PALS1: variants seen among roughly 807,000 people sequenced by gnomAD.
The protein encoded by PALS1 is protein PALS1.
Under a neutral mutation model 78.9 loss-of-function variants are expected in PALS1, and 31 were observed. The ratio of observed to expected loss-of-function variants is 0.39; its 90% CI spans 0.30 to 0.53. The LOEUF (loss-of-function observed/expected upper bound fraction) is 0.53. Among genes scored for constraint, PALS1 ranks in the 20% least tolerant of loss-of-function variants. The pLI is 0.67. For synonymous variants in PALS1, 276 were observed against 270.9 expected (o/e 1.02, Z -0.18); for missense variants, 704 against 826.5 (o/e 0.85, Z 1.82).
At position 67,312,702 on chromosome 14, in the gene PALS1, T is replaced by C. The variant is rs1185713601; in HGVS notation, c.1217T>C (p.Leu406Pro). 2 of 1,605,826 alleles carry C rather than the reference T, an allele frequency of 1.2e-6. No individual in the cohort carries two copies. Among genetic ancestry groups the C allele is most frequent in the East Asian group, 2.2e-5 (1 of 44,702 alleles). The part of the protein sequence containing the change: ...GDEDNQPLAG[L>P]VPGKSFQQQR... ...GAAGATAATCAACCTCTAGCCGGGC[T>C]TGTTCCAGGTAAGACACAATATGGT... The change falls in exon 9 of 15, where the codon CTT becomes CCT. Residue 406 changes from leucine (L) to proline (P), a missense_variant. By Grantham distance (98) the Leu-to-Pro change is moderately conservative. Coordinates refer to ENST00000261681, the MANE Select transcript of PALS1 (RefSeq NM_022474.4).
intron 3 of PALS1, among the ~76,000 whole-genome samples, chr14:67,288,767 T>C (rs556671113): frequency 6.6e-6 from 1 of 152,288 alleles, no homozygotes; most frequent in Non-Finnish European, 1.5e-5. Context: ...CTATTCTTAA[T>C]ATTAGCTTAT....
intron 5 of PALS1, among the ~76,000 whole-genome samples, 197 bp from the exon 6 acceptor site, chr14:67,301,775 T>C (rs2084935343): frequency 6.6e-6 from 1 of 152,214 alleles, no homozygotes; most frequent in African/African-American, 2.4e-5. Context: ...TTCCGAAGTT[T>C]AGTAAGCATT....
At chr14:67,264,267 T>C (rs1355371652) in intron 1 of PALS1, among the ~76,000 whole-genome samples, 1 of 152,228 alleles carries the variant, frequency 6.6e-6, no homozygotes. Flanking sequence ...TAGAATTGTT[T>C]AAAGATTAAG....
chr14:67,298,963 A>C (rs944319333), intron 4 of PALS1, among the ~76,000 whole-genome samples: 28 of 152,208 alleles, frequency 1.8e-4, no homozygotes, highest in Admixed American at 1.8e-3. Context: ...TTTGCTTAGT[A>C]TAATGTTTTT....
intron 1 of PALS1, among the ~76,000 whole-genome samples, chr14:67,258,427 T>C (rs1261596860): frequency 1.3e-5 from 2 of 152,160 alleles, no homozygotes; most frequent in East Asian, 3.9e-4. Flanking sequence ...TCCCAGCTAC[T>C]TGGGGGATTG....
intron 1 of PALS1, among the ~76,000 whole-genome samples, chr14:67,268,387 G>A (rs2140559469): frequency 6.6e-6 from 1 of 152,330 alleles, no homozygotes; most frequent in East Asian, 1.9e-4. Flanking sequence ...GATCTTGCAT[G>A]AGAAAGAATT....
chr14:67,292,146 A>G (rs141188659), intron 3 of PALS1, among the ~76,000 whole-genome samples: 1,840 of 152,314 alleles, frequency 0.012, 19 homozygotes, highest in Non-Finnish European at 0.018. Flanking sequence ...ATGGGAAAAC[A>G]TTTACAATGT....
chr14:67,282,586 G>A (rs552056569), intron 3 of PALS1, among the ~76,000 whole-genome samples: 1 of 152,206 alleles, frequency 6.6e-6, no homozygotes, highest in African/African-American at 2.4e-5. Context: ...ACTCAGAAAG[G>A]ATGAACTGAA....
Position 67,332,789 on chromosome 14 carries a change from T to C in PALS1, c.1861T>C (p.Leu621=). ...TATCTTCTGTTTGCAGCCTGAAGAG[T>C]TGAGAGAAATCATTGAGAAGACAAG... ...KEGKNPKPEE[L]REIIEKTREM... is the part of the protein sequence containing the mutation. Residue 621 remains leucine, a synonymous_variant, in exon 15 of 15, where the codon TTG becomes CTG. Transcript: ENST00000261681. The C allele has an allele frequency of 2.5e-6, 4 of 1,609,514 alleles. No individual in the cohort carries two copies. The highest frequency in any genetic ancestry group is 2.5e-6 in the Non-Finnish European group (3 of 1,176,778).
intron 11 of PALS1, among the ~76,000 whole-genome samples, chr14:67,319,203 G>GTA (rs2085226177): frequency 6.6e-6 from 1 of 152,170 alleles, no homozygotes; most frequent in Non-Finnish European, 1.5e-5. Context: ...ACAAGCCTAA[G>GTA]ATGGTCCCCT....
chr14:67,286,560 A>G (rs187940065), intron 3 of PALS1, among the ~76,000 whole-genome samples: 12 of 152,240 alleles, frequency 7.9e-5, no homozygotes, highest in African/African-American at 2.9e-4. Context: ...GTGTGTGGAA[A>G]ATTAACTGTT....
At chr14:67,297,908 C>G (rs1341134300) in intron 4 of PALS1, among the ~76,000 whole-genome samples, 1 of 152,106 alleles carries the variant, frequency 6.6e-6, no homozygotes, top group Non-Finnish European at 1.5e-5. Flanking sequence ...AATTTTAGAT[C>G]AAATGTTCAG....
chr14:67,273,117 CTT>C (rs57837325), intron 2 of PALS1, among the ~76,000 whole-genome samples: 21,933 of 143,024 alleles, frequency 0.15, 3,047 homozygotes, highest in East Asian at 0.42. Context: ...ATATTTCTTT[CTT>C]TTTTTTTTTT....
At chr14:67,323,261 G>GTGTGTGTGTATATA (rs1429954753) in intron 13 of PALS1, among the ~76,000 whole-genome samples, 28 of 124,140 alleles carry the variant, frequency 2.3e-4, no homozygotes, top group Admixed American at 1.4e-3. Context: ...GTGTGTGTGT[G>GTGTGTGTGTATATA]TATATATATA....
At chr14:67,282,151 C>G (rs2084615930) in intron 3 of PALS1, among the ~76,000 whole-genome samples, 1 of 152,140 alleles carries the variant, frequency 6.6e-6, no homozygotes, top group African/African-American at 2.4e-5. Flanking sequence ...GTCATAGCCT[C>G]AGGTTTTTAA....
chr14:67,303,732 G>T, intron 8 of PALS1, 133 bp downstream of exon 8: 1 of 680,432 alleles, frequency 1.5e-6, no homozygotes. Context: ...AAATAAATAT[G>T]AAATATCAAT....
At chr14:67,295,503 C>G (rs2084835239) in intron 4 of PALS1, among the ~76,000 whole-genome samples, 1 of 144,852 alleles carries the variant, frequency 6.9e-6, no homozygotes, top group Non-Finnish European at 1.5e-5. Flanking sequence ...AAAAAAAAAA[C>G]TCTTGGAAAT....
chr14:67,315,647 C>T (rs915525374), intron 9 of PALS1, among the ~76,000 whole-genome samples: 2 of 152,168 alleles, frequency 1.3e-5, no homozygotes, highest in South Asian at 2.1e-4. Context: ...CAGTCTTGGC[C>T]GTGCACAGTG....
At chr14:67,328,520 G>A (rs1451957087) in intron 14 of PALS1, among the ~76,000 whole-genome samples, 2 of 152,124 alleles carry the variant, frequency 1.3e-5, no homozygotes, top group Admixed American at 6.5e-5. Context: ...TGTTGCCATT[G>A]CTTTTGGTGT....
Sources: allele counts gnomAD v4.1 joint callset (sites outside exome capture counted in the v4.1 genomes callset), GRCh38; gene constraint gnomAD v4.1.1; transcripts MANE v1.5; gene names NCBI Gene and HGNC (gene_info 2026-07-23, HGNC 2026-07-21).